The following PHC1 variants were observed in gnomAD, a reference collection of about 807,000 sequenced individuals.
The protein encoded by PHC1 is polyhomeotic homolog 1.
In PHC1, 12 loss-of-function variants were observed where a neutral mutation model predicts 104.3. The observed-to-expected ratio is 0.12, with a 90% CI of 0.07 to 0.19. PHC1 has a LOEUF of 0.19. Ranked by LOEUF, PHC1 falls within the 10% of genes least tolerant of loss-of-function variation. PHC1 has a pLI of 1.00. For synonymous variants in PHC1, 302 were observed against 455.8 expected, an observed-to-expected ratio of 0.66 and a Z score of 4.30; for missense variants, 671 against 1,200.0, an observed-to-expected ratio of 0.56 and a Z score of 6.51.
At chr12:8,932,509 T>C in intron 7 of PHC1, 54 bp from the exon 8 acceptor site, 1 of 1,570,814 alleles carries the variant, frequency 6.4e-7, no homozygotes, top group Non-Finnish European at 8.7e-7. Context: ...TTTAGAATGA[T>C]TATTATTCTC....
chr12:8,929,283 C>G (rs10771222), intron 6 of PHC1, among the ~76,000 whole-genome samples: 152,007 of 152,268 alleles, frequency 1, 75,875 homozygotes, highest in Middle Eastern at 1. Context: ...AAGGTGCTAG[C>G]AATATAACAA....
intron 2 of PHC1, 141 bp downstream of exon 2, chr12:8,917,932 C>G (rs1177673388): frequency 6.8e-6 from 4 of 590,862 alleles, no homozygotes; most frequent in Non-Finnish European, 9.0e-6. Flanking sequence ...TCTTCCAGCT[C>G]TGAGAATCTT....
Position 8,938,038 on chromosome 12 carries a change from C to T in PHC1, c.2838C>T (p.Tyr946=), listed in dbSNP as rs149025901. The change falls in exon 14 of 15, where the codon TAC becomes TAT. Residue 946 remains tyrosine, a synonymous_variant. Transcript: ENST00000544916. The stretch of plus-strand genomic sequence containing the variant: ...GCCGTTGGAGTGTAGAGGAGGTGTA[C>T]GAGTTTATTGCTTCTCTCCAAGGTA... ...NPSRWSVEEV[Y]EFIASLQGCQ... 34 of 1,605,460 alleles carry T rather than the reference C, an allele frequency of 2.1e-5. No individual in the cohort carries two copies. Among genetic ancestry groups the T allele is most frequent in the East Asian group, 2.0e-4 (9 of 44,742 alleles).
chr12:8,934,228 C>T, intron 9 of PHC1, 39 bp from the exon 10 acceptor site: 3 of 1,500,124 alleles, frequency 2.0e-6, no homozygotes, highest in Non-Finnish European at 2.8e-6. Context: ...ATCAATATGT[C>T]ATCTCATGTC....
At chr12:8,929,703 A>ATT (rs1381953295) in intron 6 of PHC1, among the ~76,000 whole-genome samples, 1 of 151,792 alleles carries the variant, frequency 6.6e-6, no homozygotes, top group Non-Finnish European at 1.5e-5. Flanking sequence ...AATTTTCTGT[A>ATT]TTTTTTTGTA....
chr12:8,934,919 AT>A (rs962330454), intron 10 of PHC1, among the ~76,000 whole-genome samples: 27 of 148,954 alleles, frequency 1.8e-4, no homozygotes, highest in Non-Finnish European at 2.8e-4. Flanking sequence ...GCCAGTTACT[AT>A]TTTTTTTTTC....
rs144030895 is a variant in PHC1, at chr12:8,937,053, T to C, written c.2477+89T>C. On this transcript the variant is annotated intron_variant, in intron 12 of 14. Transcript: ENST00000544916. ...CCCCAGGATCGTCTCATAGCTGATA[T>C]TTTATGTCTCCCTCCTTGCTTTTAT... 3,075 of 1,390,944 alleles carry C rather than the reference T, an allele frequency of 2.2e-3. 3 individuals are homozygous for C. The highest frequency in any genetic ancestry group is 8.4e-3 in the African/African-American group (587 of 70,240). 86.2% of individuals were successfully genotyped at this position (1,390,944 alleles called of 1,614,324 possible).
chr12:8,921,482 C>T (rs190057391), intron 4 of PHC1, 119 bp from the exon 5 acceptor site: 10 of 878,454 alleles, frequency 1.1e-5, no homozygotes, highest in African/African-American at 1.0e-4. Flanking sequence ...TTATTTCCCC[C>T]GGCTCCATGA....
At chr12:8,917,848 G>C in intron 2 of PHC1, 57 bp downstream of exon 2, 3 of 887,654 alleles carry the variant, frequency 3.4e-6, no homozygotes, top group Non-Finnish European at 5.2e-6. Context: ...GGTAGGCAGT[G>C]ATGCTGGAAA....
chr12:8,921,824 T>G (rs1387523609), intron 5 of PHC1, 74 bp downstream of exon 5: 1 of 1,358,282 alleles, frequency 7.4e-7, no homozygotes, highest in Non-Finnish European at 1.0e-6. Flanking sequence ...GAGTGAAAGC[T>G]TTTTTTTGAG....
chr12:8,924,599 G>A (rs951973984), intron 6 of PHC1, among the ~76,000 whole-genome samples: 2 of 152,212 alleles, frequency 1.3e-5, no homozygotes, highest in Non-Finnish European at 1.5e-5. Flanking sequence ...TCTTGGACGA[G>A]TGGATTTGAT....
rs1334996211 is a variant in PHC1 at position 8,919,121 on chromosome 12, G to T, written c.115-635G>T. ...GTTGCCCAGGCTGCAGTGCAATGGC[G>T]CAATCTCATCTCACTGCAACCTCTG... On this transcript the variant is annotated intron_variant, in intron 2 of 14. Coordinates refer to ENST00000544916, the MANE Select transcript of PHC1 (RefSeq NM_004426.3). The surrounding 1 kb of genome is among the most constrained non-coding windows in gnomAD (Gnocchi z 4.9). Among the ~76,000 whole-genome samples, 1 of 152,120 alleles carries T rather than the reference G, an allele frequency of 6.6e-6. No homozygotes were observed. Among genetic ancestry groups the T allele is most frequent in the African/African-American group, 2.4e-5 (1 of 41,412 alleles).
chr12:8,926,006 G>T (rs1307253134), intron 6 of PHC1, among the ~76,000 whole-genome samples: 1 of 152,182 alleles, frequency 6.6e-6, no homozygotes, highest in Non-Finnish European at 1.5e-5. Flanking sequence ...TCATTGAAGA[G>T]GGTGAACTAA....
In PHC1 at chr12:8,932,547, G is replaced by C. The variant is rs1945716816; in HGVS notation, c.1106-16G>C. The C allele has an allele frequency of 6.2e-7, 1 of 1,610,320 alleles. No individual in the cohort carries two copies. The highest frequency in any genetic ancestry group is 1.1e-5 in the South Asian group (1 of 90,988). On this transcript the variant is annotated splice_polypyrimidine_tract_variant and intron_variant, in intron 7 of 14. Transcript: ENST00000544916. ...CTCTTTTTTCTCTCTGTTGTATTCT[G>C]GGATTGTTCCTATAGCCACCTACAC...
In PHC1 at chr12:8,937,568, A is replaced by G. The variant is rs139607925; in HGVS notation, c.2628+242A>G. Among the ~76,000 whole-genome samples, 7 of 152,276 alleles carry G rather than the reference A, an allele frequency of 4.6e-5. No homozygotes were observed. The East Asian group carries it at 5.8e-4, about 13-fold the overall frequency. Reference sequence around the variant, plus strand: ...TGAGTACAATTGTTAATTGTACTCAATTGTACTCAATTTCTCTCAATTGTA... The same window carrying G: ...TGAGTACAATTGTTAATTGTACTCAGTTGTACTCAATTTCTCTCAATTGTA... On this transcript the variant is annotated intron_variant, in intron 13 of 14. Transcript: ENST00000544916.
chr12:8,926,866 G>A (rs781250592), intron 6 of PHC1, among the ~76,000 whole-genome samples: 1 of 152,310 alleles, frequency 6.6e-6, no homozygotes, highest in South Asian at 2.1e-4. Context: ...AGTGAGCCGA[G>A]ATCGCGCCGT....
intron 6 of PHC1, among the ~76,000 whole-genome samples, chr12:8,927,858 T>TTTC (rs1945562685): frequency 2.9e-5 from 1 of 34,238 alleles, no homozygotes; most frequent in African/African-American, 1.5e-4. Flanking sequence ...ACTAGTTTTC[T>TTTC]TTCTTTCTTT....
chr12:8,934,531 T>TAA, intron 10 of PHC1, 53 bp downstream of exon 10: 2 of 1,362,324 alleles, frequency 1.5e-6, no homozygotes, highest in Non-Finnish European at 2.0e-6. Context: ...GGTCTGATTG[T>TAA]TGTCTTTTCA....
chr12:8,928,828 CATT>C (rs1214254325), intron 6 of PHC1, among the ~76,000 whole-genome samples: 1 of 152,194 alleles, frequency 6.6e-6, no homozygotes, highest in Non-Finnish European at 1.5e-5. Flanking sequence ...TTCTTAATAA[CATT>C]GTCACGATCC....
Sources: gnomAD v4.1 joint callset for allele counts (sites outside exome capture counted in the v4.1 genomes callset) on GRCh38, gnomAD v4.1.1 for gene constraint, Gnocchi (gnomAD v3.1) non-coding constraint, MANE v1.5 for transcripts, NCBI Gene and HGNC (gene_info 2026-07-23, HGNC 2026-07-21) for gene names.